MTHFD1L: variants seen among roughly 807,000 people sequenced by gnomAD.
MTHFD1L encodes the protein monofunctional C1-tetrahydrofolate synthase, mitochondrial.
Under a neutral mutation model 119.5 loss-of-function variants are expected in MTHFD1L, and 81 were observed. That is an observed-to-expected ratio of 0.68 (90% CI 0.57 to 0.82). The LOEUF (loss-of-function observed/expected upper bound fraction) is 0.82. Ranked by LOEUF, MTHFD1L falls within the 40% of genes least tolerant of loss-of-function variation. MTHFD1L has a pLI of 0.00. For synonymous variants in MTHFD1L, 430 were observed against 475.2 expected, an observed-to-expected ratio of 0.90 and a Z score of 1.24; for missense variants, 1,125 against 1,253.4, an observed-to-expected ratio of 0.90 and a Z score of 1.55.
intron 16 of MTHFD1L, among the ~76,000 whole-genome samples, chr6:150,953,769 CT>C (rs1440677957): frequency 6.6e-6 from 1 of 151,852 alleles, no homozygotes; most frequent in African/African-American, 2.4e-5. Flanking sequence ...CTGAATTTCT[CT>C]TGTTGATTTT....
At chr6:150,946,811 C>T (rs1416799772) in intron 15 of MTHFD1L, among the ~76,000 whole-genome samples, 1 of 152,038 alleles carries the variant, frequency 6.6e-6, no homozygotes, top group Non-Finnish European at 1.5e-5. Flanking sequence ...CACAGTGGCT[C>T]ACGCCTGTAA....
At chr6:150,907,851 C>G (rs1211669071) in intron 8 of MTHFD1L, among the ~76,000 whole-genome samples, 1 of 151,932 alleles carries the variant, frequency 6.6e-6, no homozygotes, top group Non-Finnish European at 1.5e-5. Flanking sequence ...TTTTTGAATG[C>G]CCAGTGTCCA....
At chr6:150,951,546 C>T (rs1794883557) in intron 16 of MTHFD1L, among the ~76,000 whole-genome samples, 1 of 151,988 alleles carries the variant, frequency 6.6e-6, no homozygotes, top group Non-Finnish European at 1.5e-5. Flanking sequence ...ATATCATAAG[C>T]ATTTTGTATT....
At chr6:151,045,688 G>T (rs370779658) in intron 26 of MTHFD1L, among the ~76,000 whole-genome samples, 1 of 152,106 alleles carries the variant, frequency 6.6e-6, no homozygotes, top group Non-Finnish European at 1.5e-5. Context: ...GGATCCTGGT[G>T]GTTTCCTCCT....
At chr6:151,007,343 G>A (rs1433132882) in intron 20 of MTHFD1L, among the ~76,000 whole-genome samples, 1 of 151,440 alleles carries the variant, frequency 6.6e-6, no homozygotes, top group Non-Finnish European at 1.5e-5. Context: ...GACCCTAAGA[G>A]TGAGCTTCTA....
intron 26 of MTHFD1L, among the ~76,000 whole-genome samples, chr6:151,084,219 A>G (rs773920539): frequency 6.6e-6 from 1 of 152,194 alleles, no homozygotes; most frequent in Non-Finnish European, 1.5e-5. Context: ...AAAAGGTGCT[A>G]CCAAAGAAGA....
rs1387538226 is a variant in MTHFD1L at position 150,866,072 on chromosome 6, G to A, written c.227+23G>A. ...CAGGTGAGTGTCGGGTCTGGCCCTG[G>A]CCCAGGTCTCCAGCGGCTGTGGCCC... is the stretch of plus-strand genomic sequence containing the variant. On this transcript the variant is annotated intron_variant, in intron 1 of 27. Coordinates refer to ENST00000367321, the MANE Select transcript of MTHFD1L (RefSeq NM_015440.5). 5.4e-6 allele frequency: 8 copies of A among 1,480,694 alleles called. No homozygotes were observed. The African/African-American group carries it at 1.0e-4, about 19-fold the overall frequency. The allele number at this position is 1,480,694 out of a possible 1,614,324, so 91.7% of individuals were successfully genotyped here.
chr6:151,099,509 A>G (rs1795177433), intron 27 of MTHFD1L: 88 of 1,532,364 alleles, frequency 5.7e-5, no homozygotes, highest in Non-Finnish European at 7.7e-5. Context: ...GGTGGCAGCC[A>G]TCTCCTCCTC....
At chr6:150,903,865 C>T (rs894879023) in intron 7 of MTHFD1L, among the ~76,000 whole-genome samples, 1 of 152,248 alleles carries the variant, frequency 6.6e-6, no homozygotes, top group African/African-American at 2.4e-5. Context: ...TGTTAATACA[C>T]TTTTCCCTAT....
intron 24 of MTHFD1L, among the ~76,000 whole-genome samples, chr6:151,033,031 G>A (rs1199410151): frequency 6.6e-6 from 1 of 152,082 alleles, no homozygotes; most frequent in Non-Finnish European, 1.5e-5. Context: ...GGAGACTTGT[G>A]CCCCTTGGTT....
At chr6:150,869,057 T>G (rs1452837347) in intron 1 of MTHFD1L, among the ~76,000 whole-genome samples, 1 of 152,220 alleles carries the variant, frequency 6.6e-6, no homozygotes, top group Non-Finnish European at 1.5e-5. Flanking sequence ...TGAGACCTTA[T>G]TTTTTATTTT....
chr6:150,919,835 GATTTGGGC>G, intron 9 of MTHFD1L, among the ~76,000 whole-genome samples: 1 of 152,306 alleles, frequency 6.6e-6, no homozygotes, highest in Non-Finnish European at 1.5e-5. Flanking sequence ...TTCAAGATGG[GATTTGGGC>G]AGGGACACAC....
At chr6:151,052,341 C>T (rs1789192006) in intron 26 of MTHFD1L, among the ~76,000 whole-genome samples, 1 of 152,178 alleles carries the variant, frequency 6.6e-6, no homozygotes, top group African/African-American at 2.4e-5. Flanking sequence ...GTCTGCTATG[C>T]ACTGTGCACT....
At chr6:151,043,258 C>CTTTTTTTTTTTT (rs1170553631) in intron 26 of MTHFD1L, among the ~76,000 whole-genome samples, 4 of 78,856 alleles carry the variant, frequency 5.1e-5, no homozygotes, top group Non-Finnish European at 6.7e-5. Flanking sequence ...AGTGTTTTCT[C>CTTTTTTTTTTTT]TTTTTTTTTT....
intron 20 of MTHFD1L, among the ~76,000 whole-genome samples, chr6:151,000,586 AT>A (rs1255822157): frequency 6.6e-6 from 1 of 152,220 alleles, no homozygotes; most frequent in Non-Finnish European, 1.5e-5. Context: ...ACAAAGTTCT[AT>A]TTTTAAGCTG....
intron 26 of MTHFD1L, among the ~76,000 whole-genome samples, chr6:151,089,862 G>A (rs893170960): frequency 6.6e-6 from 1 of 152,158 alleles, no homozygotes; most frequent in Non-Finnish European, 1.5e-5. Flanking sequence ...CTTAACTTCC[G>A]AGGCTGTGAT....
chr6:150,957,168 T>C (rs1771825), intron 17 of MTHFD1L, among the ~76,000 whole-genome samples: 43,165 of 152,096 alleles, frequency 0.28, 6,468 homozygotes, highest in East Asian at 0.49. Context: ...GTTCCCTATG[T>C]TCAGAACAGA....
intron 7 of MTHFD1L, among the ~76,000 whole-genome samples, chr6:150,888,315 C>T (rs1319050039): frequency 6.6e-6 from 1 of 152,112 alleles, no homozygotes; most frequent in African/African-American, 2.4e-5. Context: ...AATTAACAGG[C>T]CAGTTTCAGC....
intron 26 of MTHFD1L, among the ~76,000 whole-genome samples, chr6:151,078,152 A>C (rs1195028523): frequency 3.9e-5 from 6 of 152,002 alleles, no homozygotes; most frequent in Admixed American, 2.6e-4. Context: ...TTTTAGAAAA[A>C]TCTACCCCTA....
Sources: gnomAD v4.1 joint callset for allele counts (sites outside exome capture counted in the v4.1 genomes callset) on GRCh38, gnomAD v4.1.1 for gene constraint, MANE v1.5 for transcripts, NCBI Gene and HGNC (gene_info 2026-07-23, HGNC 2026-07-21) for gene names.